SBNO2: variants seen among roughly 807,000 people sequenced by gnomAD.
The protein encoded by SBNO2 is protein strawberry notch homolog 2.
SBNO2 carries 89 observed loss-of-function variants against 146.3 expected under a neutral mutation model. That is an observed-to-expected ratio of 0.61 (90% CI 0.51 to 0.73). SBNO2 has a LOEUF of 0.73. Among genes scored for constraint, SBNO2 ranks in the 30% least tolerant of loss-of-function variants. The pLI is 0.00. For missense variants in SBNO2, 2,092 were observed against 2,003.7 expected (o/e 1.04, Z -0.84); for synonymous variants, 1,147 against 892.6 (o/e 1.29, Z -5.08).
chr19:1,112,458 C>A lies in SBNO2; in HGVS notation c.2459G>T (p.Arg820Leu). The change falls in exon 21 of 32, where the codon CGC becomes CTC. Residue 820 changes from arginine (R) to leucine (L), a missense_variant. Physicochemically the swap from Arg to Leu is moderately radical, Grantham distance 102. Transcript: ENST00000361757. The surrounding 1 kb of genome is among the most constrained non-coding windows in gnomAD (Gnocchi z 5.9). ...CGGCAGCTCCAAGGTCATGTGCACGCGGCGCCGCTGGTTCTGGACACGGCG... is the reference window on the plus strand; with the variant it reads ...CGGCAGCTCCAAGGTCATGTGCACGAGGCGCCGCTGGTTCTGGACACGGCG... ...ADRRVQNQRR[R>L]VHMTLELPWS... The A allele has an allele frequency of 6.2e-7, 1 of 1,607,720 alleles. No individual in the cohort carries two copies. The highest frequency in any genetic ancestry group is 1.1e-5 in the South Asian group (1 of 90,728).
rs2079780268 is a variant in SBNO2 at position 1,112,699 on chromosome 19, C to A, written c.2379+119G>T. The stretch of plus-strand genomic sequence containing the variant: ...ACCACCCGCCACACGGCCACTCGCG[C>A]CCGCACCTGGCACACACACACTCCA... On this transcript the variant is annotated intron_variant, in intron 20 of 31. Transcript: ENST00000361757. This position sits in a 1 kb window ranked among gnomAD's most constrained non-coding sequence, Gnocchi z 5.9. The A allele has an allele frequency of 6.9e-7, 1 of 1,443,564 alleles. No homozygotes were observed. Among genetic ancestry groups the A allele is most frequent in the Non-Finnish European group, 9.1e-7 (1 of 1,093,322 alleles). The allele number at this position is 1,443,564 out of a possible 1,614,324, so 89.4% of individuals were successfully genotyped here.
chr19:1,159,559 C>G (rs1240376493), intron 1 of SBNO2, among the ~76,000 whole-genome samples: 1 of 54,636 alleles, frequency 1.8e-5, no homozygotes, highest in African/African-American at 8.8e-5. Flanking sequence ...CAGCAGGGGA[C>G]AGTGGGACAG....
chr19:1,149,547 C>T (rs376934984), intron 2 of SBNO2, 105 bp from the exon 3 acceptor site: 209 of 1,059,598 alleles, frequency 2.0e-4, no homozygotes, highest in African/African-American at 1.6e-3. Context: ...AGGGAGGCCC[C>T]GCAGTCAGGG....
Position 1,122,147 on chromosome 19 carries a change from C to T in SBNO2, c.1141G>A (p.Glu381Lys), listed in dbSNP as rs192343149. 1.4e-6 allele frequency: 2 copies of T among 1,454,784 alleles called. No individual in the cohort carries two copies. The highest frequency in any genetic ancestry group is 2.7e-5 in the Admixed American group (1 of 36,926). The allele number at this position is 1,454,784 out of a possible 1,614,324, so 90.1% of individuals were successfully genotyped here. ...QILDWCGEAFEGVIVFDECHK... is the reference protein window; with the variant it reads ...QILDWCGEAFKGVIVFDECHK... ...TGCCCCCAGCAGGATACGACGCCCT[C>T]GAAGGCCTCCCCACACCAGTCCAGG... Residue 381 changes from glutamate (E) to lysine (K), a missense_variant, in exon 11 of 32, where the codon GAG becomes AAG. By Grantham distance (56) the Glu-to-Lys change is moderately conservative (BLOSUM62 1). Coordinates refer to ENST00000361757, the MANE Select transcript of SBNO2 (RefSeq NM_014963.3).
chr19:1,113,817 G>GGAC, intron 18 of SBNO2, 113 bp from the exon 19 acceptor site: 1 of 1,314,806 alleles, frequency 7.6e-7, no homozygotes. Context: ...CAACCCTGAG[G>GGAC]GACGGCAGGG....
intron 4 of SBNO2, among the ~76,000 whole-genome samples, chr19:1,146,331 G>A (rs1386053830): frequency 6.6e-6 from 1 of 152,184 alleles, no homozygotes; most frequent in African/African-American, 2.4e-5. Context: ...CTGGGCCCGG[G>A]GTCCACCCGG....
chr19:1,113,951 G>T (rs1445266879), intron 18 of SBNO2, among the ~76,000 whole-genome samples: 1 of 152,208 alleles, frequency 6.6e-6, no homozygotes, highest in Non-Finnish European at 1.5e-5. Context: ...GCCTCCACAG[G>T]GGTAGGGACT....
chr19:1,167,798 C>G (rs1030945450), intron 1 of SBNO2, among the ~76,000 whole-genome samples: 1 of 152,204 alleles, frequency 6.6e-6, no homozygotes, highest in African/African-American at 2.4e-5. Flanking sequence ...TCTCAGCCTG[C>G]GGTCAGGCCG....
At chr19:1,111,312 G>A (rs943611678) in intron 24 of SBNO2, among the ~76,000 whole-genome samples, 194 bp downstream of exon 24, 2 of 152,194 alleles carry the variant, frequency 1.3e-5, no homozygotes, top group Non-Finnish European at 2.9e-5. Context: ...CCCCTCAGCT[G>A]CCCTGGAAAC....
At chr19:1,132,031 T>A in intron 4 of SBNO2, 1 of 1,341,266 alleles carries the variant, frequency 7.5e-7, no homozygotes, top group South Asian at 1.4e-5. Context: ...CTGAATGGGG[T>A]CCCACCTCCC....
At chr19:1,146,329 G>A (rs779958640) in intron 4 of SBNO2, among the ~76,000 whole-genome samples, 9 of 152,164 alleles carry the variant, frequency 5.9e-5, no homozygotes, top group Non-Finnish European at 1.0e-4. Flanking sequence ...AACTGGGCCC[G>A]GGGTCCACCC....
intron 1 of SBNO2, among the ~76,000 whole-genome samples, chr19:1,168,487 C>T (rs1171491733): frequency 1.3e-5 from 2 of 152,202 alleles, no homozygotes; most frequent in South Asian, 2.1e-4. Context: ...AGCTCCTCAC[C>T]GTCCCCCGTG....
chr19:1,154,104 C>CGACGT, intron 2 of SBNO2, 80 bp downstream of exon 2: 1 of 668,740 alleles, frequency 1.5e-6, no homozygotes, highest in Non-Finnish European at 2.1e-6. Flanking sequence ...GCATTCCGCA[C>CGACGT]GACGTGACCC....
At chr19:1,132,272 G>A (rs2080039196) in intron 4 of SBNO2, 2 of 1,313,288 alleles carry the variant, frequency 1.5e-6, no homozygotes, top group African/African-American at 1.5e-5. Context: ...GCATTTGCAT[G>A]TCGGTTTAGT....
chr19:1,129,905 C>T (rs1160858295), intron 4 of SBNO2, among the ~76,000 whole-genome samples: 4 of 152,166 alleles, frequency 2.6e-5, no homozygotes, highest in African/African-American at 9.7e-5. Context: ...ACCTGCCCCA[C>T]GCCCTCACCA....
chr19:1,132,516 C>T (rs1442558105), intron 4 of SBNO2, among the ~76,000 whole-genome samples: 1 of 152,234 alleles, frequency 6.6e-6, no homozygotes, highest in Non-Finnish European at 1.5e-5. Flanking sequence ...TCGGTCTCCC[C>T]AGACTGCAGG....
intron 4 of SBNO2, among the ~76,000 whole-genome samples, chr19:1,143,293 C>T (rs181030570): frequency 6.6e-6 from 1 of 152,260 alleles, no homozygotes; most frequent in East Asian, 1.9e-4. Flanking sequence ...GCCTAGGCAA[C>T]ACAGTGAGAC....
At position 1,109,817 on chromosome 19, in the gene SBNO2, G is replaced by C. The variant is rs2079733343; in HGVS notation, c.3029-40C>G. On this transcript the variant is annotated intron_variant, in intron 26 of 31. Transcript: ENST00000361757. The surrounding 1 kb of genome is among the most constrained non-coding windows in gnomAD (Gnocchi z 4.2). Reference sequence around the variant, plus strand: ...GGAGGGTAAGTGGTGTCCAGGCCTGGGACTGTGGGCTGGGGCCAGGGTCAG... The same window carrying C: ...GGAGGGTAAGTGGTGTCCAGGCCTGCGACTGTGGGCTGGGGCCAGGGTCAG... 1 of 1,472,446 alleles carries C rather than the reference G, an allele frequency of 6.8e-7. No individual in the cohort carries two copies. Among genetic ancestry groups the C allele is most frequent in the Admixed American group, 1.8e-5 (1 of 54,396 alleles). 91.2% of individuals were successfully genotyped at this position (1,472,446 alleles called of 1,614,324 possible).
chr19:1,166,683 C>G (rs1340470108), intron 1 of SBNO2, among the ~76,000 whole-genome samples: 1 of 152,108 alleles, frequency 6.6e-6, no homozygotes, highest in Non-Finnish European at 1.5e-5. Flanking sequence ...AACCTTTTAA[C>G]ATGCTGAGCT....
Sources: allele counts gnomAD v4.1 joint callset (sites outside exome capture counted in the v4.1 genomes callset), GRCh38; gene constraint gnomAD v4.1.1; non-coding constraint Gnocchi (gnomAD v3.1); transcripts MANE v1.5; gene names NCBI Gene and HGNC (gene_info 2026-07-23, HGNC 2026-07-21).